The following IGFN1 variants were observed in gnomAD, a reference collection of about 807,000 sequenced individuals.
The protein encoded by IGFN1 is immunoglobulin like and fibronectin type III domain containing 1, also known as immunoglobulin-like and fibronectin type III domain-containing protein 1.
Under a neutral mutation model 289.5 loss-of-function variants are expected in IGFN1, and 253 were observed. That is an observed-to-expected ratio of 0.87 (90% CI 0.79 to 0.97). IGFN1 has a LOEUF of 0.97. IGFN1 is among the 50% of genes least tolerant of loss of function. IGFN1 has a pLI of 0.00. For missense variants in IGFN1, 4,470 were observed against 4,686.1 expected (o/e 0.95, Z 1.35); for synonymous variants, 1,706 against 1,788.5 (o/e 0.95, Z 1.16).
chr1:201,204,241 C>G (rs1051863815), intron 10 of IGFN1, among the ~76,000 whole-genome samples: 1 of 152,096 alleles, frequency 6.6e-6, no homozygotes, highest in African/African-American at 2.4e-5. Flanking sequence ...GAACTCCTTT[C>G]TGTTGCATGT....
intron 1 of IGFN1, 28 bp from the exon 2 acceptor site, chr1:201,193,219 T>A (rs371778848): frequency 1.3e-4 from 152 of 1,164,604 alleles, no homozygotes; most frequent in Non-Finnish European, 2.4e-5. Context: ...CCTGGATTTC[T>A]CAAAAGCAAT....
intron 15 of IGFN1, chr1:201,216,040 G>T: frequency 1.4e-6 from 1 of 729,718 alleles, no homozygotes; most frequent in Non-Finnish European, 2.5e-6. Context: ...CTGGGCTCCT[G>T]CTGGGGGGGA....
At chr1:201,227,255 A>G in intron 23 of IGFN1, 47 bp downstream of exon 23, 1 of 1,460,610 alleles carries the variant, frequency 6.8e-7, no homozygotes, top group Non-Finnish European at 9.2e-7. Context: ...GAGCCAGGAG[A>G]GCAACCACCT....
At position 201,226,819 on chromosome 1, in the gene IGFN1, C is replaced by T. The variant is rs115898576; in HGVS notation, c.10787-63C>T. The T allele has an allele frequency of 7.3e-4, 938 of 1,284,666 alleles. 5 individuals are homozygous for T. In the African/African-American group the frequency reaches 0.011, roughly 15 times the overall value. The allele number at this position is 1,284,666 out of a possible 1,614,324, so 79.6% of individuals were successfully genotyped here. On this transcript the variant is annotated intron_variant, in intron 22 of 23. Coordinates refer to ENST00000335211, the MANE Select transcript of IGFN1 (RefSeq NM_001164586.2). ...GCTTCATGAACTCTTTACCCAGACC[C>T]GGGTCTCAGCCAGGCCTTCCTCGCT...
chr1:201,205,907 G>A (rs1379072715), intron 11 of IGFN1, among the ~76,000 whole-genome samples, 176 bp from the exon 12 acceptor site: 1 of 152,182 alleles, frequency 6.6e-6, no homozygotes, highest in African/African-American at 2.4e-5. Flanking sequence ...TCCATCCCTG[G>A]AACACCCTGG....
chr1:201,197,453 C>T, intron 5 of IGFN1, 136 bp downstream of exon 5: 1 of 645,512 alleles, frequency 1.5e-6, no homozygotes, highest in Middle Eastern at 3.5e-4. Flanking sequence ...GCTGCAGCCC[C>T]ACCTTGTGCT....
chr1:201,208,467 C>T lies in IGFN1; in HGVS notation c.3574C>T (p.Leu1192Phe), dbSNP rs937259361. The stretch of plus-strand genomic sequence containing the variant: ...GGATGATACCAGGCACCCTGAGTCA[C>T]TCGCACCTCACAATGGGGCCGCTTC... ...YRDDTRHPES[L>F]APHNGAASGS... is the part of the protein sequence containing the mutation. The change falls in exon 12 of 24, where the codon CTC (leucine) becomes TTC (phenylalanine). Residue 1192 changes from leucine to phenylalanine, a missense_variant. Coordinates refer to ENST00000335211, the MANE Select transcript of IGFN1 (RefSeq NM_001164586.2). 6.2e-6 allele frequency: 9 copies of T among 1,446,192 alleles called. No individual in the cohort carries two copies. The highest frequency in any genetic ancestry group is 1.5e-5 in the South Asian group (1 of 67,114). 89.6% of individuals were successfully genotyped at this position (1,446,192 alleles called of 1,614,324 possible).
chr1:201,201,732 T>C lies in IGFN1; in HGVS notation c.647T>C (p.Ile216Thr), dbSNP rs1423268381. The change falls in exon 9 of 24, where the codon ATC becomes ACC. Residue 216 changes from isoleucine to threonine, a missense_variant. This residue lies in a region of IGFN1 where 2,011 missense variants were observed against 1,953.4 expected (regional missense o/e 1.03). Coordinates refer to ENST00000335211, the MANE Select transcript of IGFN1 (RefSeq NM_001164586.2). Reference protein sequence around the residue: ...EDKMAQYINTISSLRHIRVTK... With the variant: ...EDKMAQYINTTSSLRHIRVTK... ...TCTGCTTTGTAGTACATCAACACCA[T>C]CTCCAGCTTAAGACACATCAGGGTC... is the stretch of plus-strand genomic sequence containing the variant. The C allele has an allele frequency of 1.3e-6, 2 of 1,540,674 alleles. No homozygotes were observed. Among genetic ancestry groups the C allele is most frequent in the East Asian group, 2.4e-5 (1 of 40,866 alleles).
chr1:201,200,532 C>A lies in IGFN1; in HGVS notation c.633+121C>A, dbSNP rs540318145. ...TAGGAAACCAAGTATGATCAAGGGG[C>A]CTGTCTCCATCTAGTCCCCAGTGGG... On this transcript the variant is annotated intron_variant, in intron 8 of 23. Transcript: ENST00000335211. The A allele has an allele frequency of 1.2e-4, 94 of 782,446 alleles. 1 individual carries two copies. The African/African-American group carries it at 1.4e-3, about 12-fold the overall frequency. 48.5% of individuals were successfully genotyped at this position (782,446 alleles called of 1,614,324 possible).
rs966697250 is a variant in IGFN1, at chr1:201,221,692, G to C, written c.10147G>C (p.Gly3383Arg). Residue 3383 changes from glycine (G) to arginine (R), a missense_variant, in exon 19 of 24, where the codon GGC becomes CGC. Gly to Arg is a moderately radical substitution (Grantham distance 125). Transcript: ENST00000335211. ...GCGGGTGACAGCAGTTAATGAAGGA[G>C]GCCAGAGCCAGCCCAGTGCCCTGGA... ...FVRVTAVNEG[G>R]QSQPSALDTL... 6.2e-7 allele frequency: 1 copy of C among 1,613,534 alleles called. No homozygotes were observed. The highest frequency in any genetic ancestry group is 1.3e-5 in the African/African-American group (1 of 75,076).
chr1:201,208,071 G>T lies in IGFN1; in HGVS notation c.3178G>T (p.Ala1060Ser), dbSNP rs1402289706. The change falls in exon 12 of 24, where the codon GCA becomes TCA. Residue 1060 changes from alanine to serine, a missense_variant. Coordinates refer to ENST00000335211, the MANE Select transcript of IGFN1 (RefSeq NM_001164586.2). ...PMNDTRNWASACQAGMDPRGG... is the reference protein window; with the variant it reads ...PMNDTRNWASSCQAGMDPRGG... ...GAATGACACCAGGAATTGGGCCTCT[G>T]CATGCCAGGCAGGCATGGACCCTAG... 2 of 1,537,038 alleles carry T rather than the reference G, an allele frequency of 1.3e-6. No individual in the cohort carries two copies. The highest frequency in any genetic ancestry group is 2.4e-5 in the South Asian group (2 of 84,062).
intron 9 of IGFN1, among the ~76,000 whole-genome samples, chr1:201,203,048 A>G (rs554357666): frequency 6.6e-6 from 1 of 152,056 alleles, no homozygotes; most frequent in African/African-American, 2.4e-5. Context: ...GAGCCATCAC[A>G]CCCGGCCAGT....
chr1:201,223,571 G>T (rs1208318074), intron 20 of IGFN1, among the ~76,000 whole-genome samples: 1 of 151,992 alleles, frequency 6.6e-6, no homozygotes, highest in Non-Finnish European at 1.5e-5. Flanking sequence ...GGGTTTCGCC[G>T]TGTTGGCCAG....
In IGFN1 at chr1:201,224,572, T is replaced by C. The variant is rs185999979; in HGVS notation, c.10291-107T>C. On this transcript the variant is annotated intron_variant, in intron 20 of 23. Coordinates refer to ENST00000335211, the MANE Select transcript of IGFN1 (RefSeq NM_001164586.2). The stretch of plus-strand genomic sequence containing the variant: ...TGTTTTCTGGTCGACTTTCTCCTTG[T>C]AGAAGACTCTTCTCACCGCTTCTAC... 412 of 855,610 alleles carry C rather than the reference T, an allele frequency of 4.8e-4. 1 individual carries two copies. The highest frequency in any genetic ancestry group is 7.2e-4 in the Non-Finnish European group (394 of 546,958). 53.0% of individuals were successfully genotyped at this position (855,610 alleles called of 1,614,324 possible).
chr1:201,222,388 G>A (rs949675343), intron 19 of IGFN1: 2 of 187,182 alleles, frequency 1.1e-5, no homozygotes, highest in Non-Finnish European at 2.2e-5. Flanking sequence ...GTGACCTCAG[G>A]CAAGTCATTT....
intron 5 of IGFN1, among the ~76,000 whole-genome samples, chr1:201,198,632 G>A (rs1667013458): frequency 1.3e-5 from 2 of 151,706 alleles, no homozygotes; most frequent in South Asian, 4.2e-4. Context: ...TCCCTGTGTT[G>A]CCCAGGCTGG....
At chr1:201,194,099 C>T in intron 2 of IGFN1, 55 bp from the exon 3 acceptor site, 30 of 1,540,786 alleles carry the variant, frequency 1.9e-5, no homozygotes, top group Middle Eastern at 1.7e-4. Context: ...GTTGAAGGGC[C>T]ACCCAGGAGG....
At chr1:201,196,439 G>C (rs1441422538) in intron 4 of IGFN1, among the ~76,000 whole-genome samples, 1 of 152,210 alleles carries the variant, frequency 6.6e-6, no homozygotes, top group African/African-American at 2.4e-5. Context: ...CCACCTCCCA[G>C]GTTCAAGCGA....
intron 14 of IGFN1, 56 bp downstream of exon 14, chr1:201,215,210 C>G: frequency 6.4e-7 from 1 of 1,554,002 alleles, no homozygotes; most frequent in Admixed American, 1.9e-5. Context: ...CTCTTTGTAC[C>G]AGGTGATATG....
Sources: gnomAD v4.1 joint callset for allele counts (sites outside exome capture counted in the v4.1 genomes callset) on GRCh38, gnomAD v4.1.1 for gene constraint, gnomAD v4.1.1 regional missense constraint, MANE v1.5 for transcripts, NCBI Gene and HGNC (gene_info 2026-07-23, HGNC 2026-07-21) for gene names.